NOX1: variants seen among roughly 807,000 people sequenced by gnomAD.
The protein encoded by NOX1 is NADH/NADPH mitogenic oxidase subunit P65-MOX.
In NOX1, 34 loss-of-function variants were observed where a neutral mutation model predicts 42.5. That is an observed-to-expected ratio of 0.80 (90% CI 0.61 to 1.07). NOX1 has a LOEUF of 1.07. Among genes scored for constraint, NOX1 ranks in the 50% least tolerant of loss-of-function variants. NOX1 has a pLI of 0.00. For synonymous variants in NOX1, 143 were observed against 152.5 expected, an observed-to-expected ratio of 0.94 and a Z score of 0.46; for missense variants, 408 against 427.0, an observed-to-expected ratio of 0.96 and a Z score of 0.39.
Position 100,850,679 on chromosome X carries a change from C to T in NOX1, c.898-293G>A, listed in dbSNP as rs142846425. On this transcript the variant is annotated intron_variant, in intron 8 of 12. Transcript: ENST00000372966. ...TTGGCAACCAATTCAACTTTATAAA[C>T]AAACATTGTGTGCACCAAACAAAAT... 4.2e-3 allele frequency among the ~76,000 whole-genome samples: 475 copies of T among 112,254 alleles called. 2 individuals are homozygous for T. Among genetic ancestry groups the T allele is most frequent in the African/African-American group, 0.015 (451 of 30,897 alleles).
intron 12 of NOX1, among the ~76,000 whole-genome samples, chrX:100,847,141 A>G (rs745717522): frequency 2.6e-3 from 291 of 111,441 alleles, no homozygotes; most frequent in African/African-American, 9.2e-3. Context: ...GTGAGCCGAG[A>G]TGGCACCATT....
intron 8 of NOX1, 116 bp downstream of exon 8, chrX:100,851,117 A>G: frequency 2.1e-6 from 1 of 466,508 alleles, no homozygotes; most frequent in Non-Finnish European, 3.6e-6. Flanking sequence ...TGGGACTACC[A>G]CCCACTGTGC....
At chrX:100,867,045 A>G (rs1403155232) in intron 2 of NOX1, among the ~76,000 whole-genome samples, 1 of 111,428 alleles carries the variant, frequency 9.0e-6, no homozygotes, top group Non-Finnish European at 1.9e-5. Context: ...TTATGTATTT[A>G]TTTTTGAGAC....
At chrX:100,872,824 A>G (rs2085283664) in intron 1 of NOX1, among the ~76,000 whole-genome samples, 1 of 110,379 alleles carries the variant, frequency 9.1e-6, no homozygotes. Context: ...TTTGATCGAG[A>G]TCACCCAGTT....
At chrX:100,852,334 T>G (rs906303281) in intron 7 of NOX1, among the ~76,000 whole-genome samples, 36 of 110,293 alleles carry the variant, frequency 3.3e-4, no homozygotes, top group African/African-American at 1.1e-3. Context: ...CCGAGTGTGG[T>G]GGTGGGTGCC....
Position 100,863,497 on chromosome X carries a change from C to T in NOX1, c.240G>A (p.Arg80=). ...GGTTGGGACTCACTGAGCAGGTGCC[C>T]CTCAGGAAGGACAGCAGATTGCGAC... The part of the protein sequence containing the change: ...PVCRNLLSFL[R]GTCSFCSRTL... The change falls in exon 3 of 13, where the codon AGG becomes AGA. Residue 80 remains arginine (R), a synonymous_variant. Coordinates refer to ENST00000372966, the MANE Select transcript of NOX1 (RefSeq NM_007052.5). 1 of 1,210,592 alleles carries T rather than the reference C, an allele frequency of 8.3e-7. No individual in the cohort carries two copies. Among genetic ancestry groups the T allele is most frequent in the Non-Finnish European group, 1.1e-6 (1 of 895,223 alleles).
At position 100,844,093 on chromosome X, in the gene NOX1, C is replaced by T. The variant is rs780092104; in HGVS notation, c.1569-15G>A. On this transcript the variant is annotated splice_polypyrimidine_tract_variant and intron_variant, in intron 12 of 12. Transcript: ENST00000372966. ...CCACTACAGACCTGTAGGAACAGAACAATAGTAAGGGCTAGAATGCAGCAA... is the reference window on the plus strand; with the variant it reads ...CCACTACAGACCTGTAGGAACAGAATAATAGTAAGGGCTAGAATGCAGCAA... 1 of 1,164,521 alleles carries T rather than the reference C, an allele frequency of 8.6e-7. No individual in the cohort carries two copies. Among genetic ancestry groups the T allele is most frequent in the Non-Finnish European group, 1.1e-6 (1 of 869,735 alleles).
intron 12 of NOX1, among the ~76,000 whole-genome samples, chrX:100,845,650 C>T (rs1156799383): frequency 1.2e-5 from 1 of 86,845 alleles, no homozygotes; most frequent in African/African-American, 4.6e-5. Context: ...GAGTCTTGCA[C>T]TGTCACCCGG....
intron 7 of NOX1, chrX:100,856,028 T>C: frequency 9.2e-7 from 1 of 1,092,000 alleles, no homozygotes. Context: ...TAGGTGATGT[T>C]CTTCCGTGTC....
intron 12 of NOX1, among the ~76,000 whole-genome samples, chrX:100,845,330 TG>T (rs962487009): frequency 1.8e-5 from 2 of 111,679 alleles, no homozygotes; most frequent in African/African-American, 6.5e-5. Flanking sequence ...CTTTGGTGTC[TG>T]GTGTTTTTCA....
rs1202964335 is a variant in NOX1 at position 100,844,023 on chromosome X, T to TGCGCAGGCTCTTTGCCAAAGA, written c.1623_1624insTCTTTGGCAAAGAGCCTGCGC (p.Arg541_Lys542insSerLeuAlaLysSerLeuArg). 1.7e-6 allele frequency: 2 copies of TGCGCAGGCTCTTTGCCAAAGA among 1,203,091 alleles called. No individual in the cohort carries two copies. Among genetic ancestry groups the TGCGCAGGCTCTTTGCCAAAGA allele is most frequent in the Admixed American group, 2.2e-5 (1 of 45,522 alleles). ...AGACTGGAATATCGGTGACAGCATTTGCGCAGGCTCTTTGCCAAAGTCCGA... is the reference window on the plus strand; with the variant it reads ...AGACTGGAATATCGGTGACAGCATTTGCGCAGGCTCTTTGCCAAAGAGCGCAGGCTCTTTGCCAAAGTCCGA... On this transcript the variant is annotated inframe_insertion, in exon 13 of 13. Coordinates refer to ENST00000372966, the MANE Select transcript of NOX1 (RefSeq NM_007052.5).
rs763073506 is a variant in NOX1 at position 100,851,304 on chromosome X, G to A, written c.826C>T (p.Pro276Ser). Residue 276 changes from proline (P) to serine (S), a missense_variant, in exon 8 of 13, where the codon CCG becomes TCG. Physicochemically the swap from Pro to Ser is moderately conservative, Grantham distance 74. Transcript: ENST00000372966. ...CTTTCACAGATATAAAGAATGACCG[G>A]TGCAAGGATCCACTTCCAAGACTGC... Reference protein sequence around the residue: ...PPESWKWILAPVILYICERIL... With the variant: ...PPESWKWILASVILYICERIL... 1 of 1,184,944 alleles carries A rather than the reference G, an allele frequency of 8.4e-7. No homozygotes were observed. Among genetic ancestry groups the A allele is most frequent in the Admixed American group, 2.2e-5 (1 of 44,753 alleles).
intron 4 of NOX1, among the ~76,000 whole-genome samples, 159 bp from the exon 5 acceptor site, chrX:100,862,979 T>C (rs1234432083): frequency 8.9e-6 from 1 of 112,734 alleles, no homozygotes; most frequent in Non-Finnish European, 1.9e-5. Flanking sequence ...AGATCTTTTT[T>C]ATATTTACTC....
At position 100,843,421 on chromosome X, in the gene NOX1, A is replaced by G. The variant is rs1465750011; in HGVS notation, c.*531T>C. On this transcript the variant is annotated 3_prime_UTR_variant, in exon 13 of 13. Transcript: ENST00000372966. Reference sequence around the variant, plus strand: ...GACCATATCAAAAGTGACAGTAAACATGTACACTGTTGGTGTTATATGGGG... The same window carrying G: ...GACCATATCAAAAGTGACAGTAAACGTGTACACTGTTGGTGTTATATGGGG... 1 of 1,143,751 alleles carries G rather than the reference A, an allele frequency of 8.7e-7. No individual in the cohort carries two copies. Among genetic ancestry groups the G allele is most frequent in the Non-Finnish European group, 1.2e-6 (1 of 864,312 alleles). 94.3% of individuals were successfully genotyped at this position (1,143,751 alleles called of 1,213,427 possible).
intron 2 of NOX1, among the ~76,000 whole-genome samples, chrX:100,865,101 G>T (rs2085229379): frequency 8.9e-6 from 1 of 112,095 alleles, no homozygotes; most frequent in African/African-American, 3.2e-5. Context: ...AACAAAAGCT[G>T]CCCTACTGTT....
intron 7 of NOX1, chrX:100,855,325 C>T: frequency 1.7e-6 from 1 of 584,876 alleles, no homozygotes. Context: ...ACTGCTGCTA[C>T]TGGAACCGCC....
intron 7 of NOX1, among the ~76,000 whole-genome samples, chrX:100,861,039 C>A (rs960337790): frequency 9.0e-6 from 1 of 111,343 alleles, no homozygotes; most frequent in Non-Finnish European, 1.9e-5. Flanking sequence ...GTGCCCGGCC[C>A]GATGGGGATT....
chrX:100,871,538 G>A (rs1211236223), intron 1 of NOX1, among the ~76,000 whole-genome samples: 1 of 112,249 alleles, frequency 8.9e-6, no homozygotes, highest in Non-Finnish European at 1.9e-5. Context: ...CAGATTGTGA[G>A]TCTTTTTTCA....
chrX:100,844,150 C>A, intron 12 of NOX1, 72 bp from the exon 13 acceptor site: 1 of 925,526 alleles, frequency 1.1e-6, no homozygotes, highest in Non-Finnish European at 1.5e-6. Flanking sequence ...TCTGTTAGGC[C>A]TCTACTACTT....
Sources: allele counts gnomAD v4.1 joint callset (sites outside exome capture counted in the v4.1 genomes callset), GRCh38; gene constraint gnomAD v4.1.1; transcripts MANE v1.5; gene names NCBI Gene and HGNC (gene_info 2026-07-23, HGNC 2026-07-21).